GALK2: variants seen among roughly 807,000 people sequenced by gnomAD.
GALK2 encodes N-acetylgalactosamine kinase.
Under a neutral mutation model 52.4 loss-of-function variants are expected in GALK2, and 36 were observed. That is an observed-to-expected ratio of 0.69 (90% CI 0.53 to 0.91). The LOEUF is 0.91. GALK2 is among the 40% of genes least tolerant of loss of function. GALK2 has a pLI of 0.00. For synonymous variants in GALK2, 176 were observed against 199.1 expected (o/e 0.88, Z 0.98); for missense variants, 579 against 559.1 (o/e 1.04, Z -0.36).
At chr15:49,265,158 G>A (rs1004992049) in intron 5 of GALK2, among the ~76,000 whole-genome samples, 12 of 152,176 alleles carry the variant, frequency 7.9e-5, no homozygotes, top group Non-Finnish European at 1.0e-4. Flanking sequence ...CTTTTTGTCT[G>A]TGCCCTTCCC....
chr15:49,183,957 G>A (rs1277250242), intron 1 of GALK2, among the ~76,000 whole-genome samples: 2 of 151,962 alleles, frequency 1.3e-5, no homozygotes, highest in Admixed American at 1.3e-4. Context: ...TGGATGAAAT[G>A]TTCTGTAAAT....
intron 2 of GALK2, among the ~76,000 whole-genome samples, chr15:49,213,981 A>C (rs1289493320): frequency 6.6e-6 from 1 of 151,946 alleles, no homozygotes; most frequent in East Asian, 2.0e-4. Flanking sequence ...TTAGCTGGGC[A>C]TGGTGGCGGG....
chr15:49,167,285 G>T (rs777293021), upstream of GALK2, among the ~76,000 whole-genome samples: 9 of 152,004 alleles, frequency 5.9e-5, no homozygotes, highest in Non-Finnish European at 1.3e-4. Context: ...GTGCCTACTT[G>T]CAAAAAGCAA....
chr15:49,282,182 G>C, intron 6 of GALK2, 97 bp downstream of exon 6: 1 of 795,870 alleles, frequency 1.3e-6, no homozygotes, highest in Non-Finnish European at 2.1e-6. Flanking sequence ...CTTGGTTATG[G>C]ACAGCCTACT....
chr15:49,292,523 C>T lies in GALK2; in HGVS notation c.953C>T (p.Pro318Leu). The T allele has an allele frequency of 3.1e-6, 5 of 1,613,262 alleles. No homozygotes were observed. The South Asian group carries it at 3.3e-5, about 11-fold the overall frequency. Residue 318 changes from proline (P) to leucine (L), a missense_variant, in exon 8 of 10, where the codon CCA becomes CTA. Physicochemically the swap from Pro to Leu is moderately conservative, Grantham distance 98. Transcript: ENST00000560031. ...LEELRTQILSPNTQDVLIFKL... is the reference protein window; with the variant it reads ...LEELRTQILSLNTQDVLIFKL... ...GAACTCCGAACCCAAATCCTGAGTC[C>T]AAACACTCAAGATGGTGAGTTGGCT...
At chr15:49,184,996 A>G (rs775867928) in intron 1 of GALK2, among the ~76,000 whole-genome samples, 1 of 152,206 alleles carries the variant, frequency 6.6e-6, no homozygotes, top group East Asian at 1.9e-4. Flanking sequence ...ATTAACTTCT[A>G]CTGTTGATAT....
chr15:49,168,707 G>T (rs182460459), upstream of GALK2, among the ~76,000 whole-genome samples: 127 of 145,318 alleles, frequency 8.7e-4, 1 homozygote, highest in African/African-American at 3.3e-3. Flanking sequence ...AACAAAGAGC[G>T]AAACTCCATC....
At chr15:49,345,943 G>T (rs963261713) in intron 3 of GALK2, among the ~76,000 whole-genome samples, 3 of 152,102 alleles carry the variant, frequency 2.0e-5, no homozygotes, top group Non-Finnish European at 2.9e-5. Context: ...ATGGCCCAGG[G>T]GCAAATTTCG....
chr15:49,367,513 C>G (rs371416601), exon 4 of GALK2: 13 of 1,606,304 alleles, frequency 8.1e-6, no homozygotes, highest in Non-Finnish European at 1.1e-5. Flanking sequence ...TACCAGCCAG[C>G]TCATGCATCT....
chr15:49,300,027 C>T (rs1394441122), intron 8 of GALK2, among the ~76,000 whole-genome samples: 2 of 151,724 alleles, frequency 1.3e-5, no homozygotes, highest in Non-Finnish European at 2.9e-5. Flanking sequence ...GATGATCTGT[C>T]AGTAGGGTGT....
intron 1 of GALK2, among the ~76,000 whole-genome samples, chr15:49,163,848 C>A (rs1307878216): frequency 6.6e-6 from 1 of 152,144 alleles, no homozygotes; most frequent in South Asian, 2.1e-4. Context: ...TAAACTTTAG[C>A]ATTCATGACT....
intron 8 of GALK2, among the ~76,000 whole-genome samples, chr15:49,315,744 TTCCTATTCAGAAG>T (rs1203555348): frequency 6.6e-6 from 1 of 152,276 alleles, no homozygotes; most frequent in East Asian, 1.9e-4. Context: ...TCGTTAGACA[TTCCTATTCAGAAG>T]TCCTGCTGTG....
chr15:49,222,973 G>T (rs1275795903), intron 3 of GALK2, among the ~76,000 whole-genome samples: 5 of 152,158 alleles, frequency 3.3e-5, no homozygotes, highest in African/African-American at 1.2e-4. Context: ...TTTGTTCTTT[G>T]TAAGTTTGGT....
chr15:49,335,598 T>C (rs1374869208), downstream of GALK2: 15 of 744,516 alleles, frequency 2.0e-5, no homozygotes, highest in East Asian at 3.8e-4. Flanking sequence ...ACCTTCACTT[T>C]TCAGTAATGA....
chr15:49,182,193 T>C (rs1201405064), intron 1 of GALK2, among the ~76,000 whole-genome samples: 2 of 152,208 alleles, frequency 1.3e-5, no homozygotes, highest in African/African-American at 4.8e-5. Context: ...TCTTTCTCCA[T>C]GAGTTCAATT....
chr15:49,362,446 A>G (rs1174170166), intron 3 of GALK2, among the ~76,000 whole-genome samples: 4 of 152,112 alleles, frequency 2.6e-5, no homozygotes, highest in Non-Finnish European at 5.9e-5. Context: ...TCTTTTCTTC[A>G]TAAATTATCC....
Position 49,256,613 on chromosome 15 carries a change from C to G in GALK2, c.504+17246C>G, listed in dbSNP as rs530030392. On this transcript the variant is annotated intron_variant, in intron 5 of 9. Coordinates refer to ENST00000560031, the MANE Select transcript of GALK2 (RefSeq NM_002044.4). Reference sequence around the variant, plus strand: ...AACCATTCACGTATATTTGCTTACTCAGTACCATCCGTGTCAATTTGCAAG... The same window carrying G: ...AACCATTCACGTATATTTGCTTACTGAGTACCATCCGTGTCAATTTGCAAG... Among the ~76,000 whole-genome samples the G allele has an allele frequency of 1.4e-4, 22 of 152,270 alleles. 1 individual carries two copies. The South Asian group carries it at 3.5e-3, about 24-fold the overall frequency.
At position 49,273,589 on chromosome 15, in the gene GALK2, G is replaced by A. The variant is rs544238860; in HGVS notation, c.505-8398G>A. On this transcript the variant is annotated intron_variant, in intron 5 of 9. Coordinates refer to ENST00000560031, the MANE Select transcript of GALK2 (RefSeq NM_002044.4). ...TTTTTTTTTCCCTTACAAAGTGTCT[G>A]TAAGTTAGAGCTTGTTCATCAGCCA... Among the ~76,000 whole-genome samples the A allele has an allele frequency of 1.1e-4, 17 of 148,698 alleles. 1 individual carries two copies. The Admixed American group carries it at 1.1e-3, about 10-fold the overall frequency.
At chr15:49,170,904 A>G (rs1486542776) in intron 1 of GALK2, among the ~76,000 whole-genome samples, 1 of 152,040 alleles carries the variant, frequency 6.6e-6, no homozygotes, top group Non-Finnish European at 1.5e-5. Flanking sequence ...TGTCTCGGGG[A>G]GGATCTTTTC....
Sources: allele counts gnomAD v4.1 joint callset (sites outside exome capture counted in the v4.1 genomes callset), GRCh38; gene constraint gnomAD v4.1.1; transcripts MANE v1.5; gene names NCBI Gene and HGNC (gene_info 2026-07-23, HGNC 2026-07-21).